Variants in CCDC34 observed in about 807,000 individuals in gnomAD.
The protein encoded by CCDC34 is coiled-coil domain-containing protein 34.
A neutral mutation model predicts 44.1 loss-of-function variants in CCDC34; 40 were observed. The observed-to-expected ratio is 0.91, with a 90% CI of 0.70 to 1.18. CCDC34 has a LOEUF of 1.18. Among genes scored for constraint, CCDC34 ranks in the 50% most tolerant of loss-of-function variants. The probability of loss-of-function intolerance (pLI) is 0.00; values close to 1 mark genes in which losing one functional copy is unlikely to be tolerated. For synonymous variants in CCDC34, 159 were observed against 158.2 expected, an observed-to-expected ratio of 1.01 and a Z score of -0.04; for missense variants, 466 against 452.3, an observed-to-expected ratio of 1.03 and a Z score of -0.28.
intron 2 of CCDC34, among the ~76,000 whole-genome samples, chr11:27,352,376 C>A (rs1241167084): frequency 1.3e-5 from 2 of 148,270 alleles, no homozygotes; most frequent in African/African-American, 2.5e-5. Context: ...AAGTGAGACT[C>A]CATCTCAAAA....
At chr11:27,350,493 A>G (rs1862492990) in intron 2 of CCDC34, 54 bp from the exon 3 acceptor site, 1 of 1,481,426 alleles carries the variant, frequency 6.8e-7, no homozygotes, top group African/African-American at 1.4e-5. Context: ...CCCAAATAAC[A>G]TACATTTTAA....
intron 2 of CCDC34, among the ~76,000 whole-genome samples, chr11:27,351,594 T>C (rs750615814): frequency 5.3e-5 from 8 of 152,216 alleles, no homozygotes; most frequent in Non-Finnish European, 1.2e-4. Context: ...CTCAGTATAC[T>C]TTTATGGTAC....
rs1314201026 is a variant in CCDC34, at chr11:27,339,038, A to C, written c.908-3T>G. On this transcript the variant is annotated splice_region_variant and splice_polypyrimidine_tract_variant and intron_variant, in intron 5 of 5. Coordinates refer to ENST00000328697, the MANE Select transcript of CCDC34 (RefSeq NM_030771.2). Reference sequence around the variant, plus strand: ...ATAGGAATTTCCACTGTAAAAACCTAAAATTATTGAAAAATCAGATCAAAA... The same window carrying C: ...ATAGGAATTTCCACTGTAAAAACCTCAAATTATTGAAAAATCAGATCAAAA... 1.9e-6 allele frequency: 3 copies of C among 1,592,102 alleles called. No individual in the cohort carries two copies. Among genetic ancestry groups the C allele is most frequent in the Non-Finnish European group, 2.6e-6 (3 of 1,171,352 alleles).
chr11:27,351,148 G>A (rs1862499529), intron 2 of CCDC34, among the ~76,000 whole-genome samples: 1 of 152,166 alleles, frequency 6.6e-6, no homozygotes, highest in Non-Finnish European at 1.5e-5. Context: ...TTAGAATGCT[G>A]TTCAAACTAG....
At chr11:27,360,118 C>T (rs1001440034) in intron 1 of CCDC34, among the ~76,000 whole-genome samples, 2 of 152,218 alleles carry the variant, frequency 1.3e-5, no homozygotes, top group South Asian at 2.1e-4. Flanking sequence ...AAATGTGTGG[C>T]GCACACACTA....
At chr11:27,340,222 T>C (rs1203289180) in intron 5 of CCDC34, among the ~76,000 whole-genome samples, 3 of 152,184 alleles carry the variant, frequency 2.0e-5, no homozygotes, top group African/African-American at 4.8e-5. Context: ...AAGAAAAACA[T>C]GCACTACCCT....
chr11:27,354,636 T>C (rs1348629022), intron 2 of CCDC34, among the ~76,000 whole-genome samples: 1 of 152,018 alleles, frequency 6.6e-6, no homozygotes, highest in African/African-American at 2.4e-5. Context: ...GAGGTGTCAC[T>C]TGAGCCCAGG....
intron 1 of CCDC34, 132 bp from the exon 2 acceptor site, chr11:27,357,673 G>A: frequency 7.2e-6 from 5 of 696,264 alleles, no homozygotes; most frequent in South Asian, 3.2e-5. Flanking sequence ...AAATATACAG[G>A]AATTATACAT....
intron 4 of CCDC34, 110 bp from the exon 5 acceptor site, chr11:27,340,947 T>C: frequency 1.1e-6 from 1 of 893,114 alleles, no homozygotes; most frequent in African/African-American, 1.7e-5. Context: ...AATGGCTTAC[T>C]GGCCATAATA....
Position 27,357,545 on chromosome 11 carries a change from CAA to C in CCDC34, c.360-6_360-5del. ...ATTTTCTGATTCAACCTGAGTGCTA[CAA>C]AAGAGAGGCTACTATAGTACTTGTA... On this transcript the variant is annotated splice_region_variant and splice_polypyrimidine_tract_variant and intron_variant, in intron 1 of 5. Coordinates refer to ENST00000328697, the MANE Select transcript of CCDC34 (RefSeq NM_030771.2). The C allele has an allele frequency of 1.2e-6, 2 of 1,613,428 alleles. No individual in the cohort carries two copies. Among genetic ancestry groups the C allele is most frequent in the South Asian group, 2.2e-5 (2 of 90,966 alleles).
chr11:27,357,234 A>C (rs1862591113), intron 2 of CCDC34, among the ~76,000 whole-genome samples, 169 bp downstream of exon 2: 1 of 152,192 alleles, frequency 6.6e-6, no homozygotes. Flanking sequence ...TCTAACAATG[A>C]ACATATTTCT....
intron 3 of CCDC34, among the ~76,000 whole-genome samples, chr11:27,345,323 TGTGCACAAC>T (rs1274747204): frequency 1.1e-4 from 16 of 152,276 alleles, no homozygotes; most frequent in African/African-American, 3.9e-4. Context: ...TTAGGGTACA[TGTGCACAAC>T]GTGCAGGTTT....
intron 2 of CCDC34, among the ~76,000 whole-genome samples, chr11:27,353,787 A>G (rs936601088): frequency 1.1e-4 from 16 of 152,208 alleles, no homozygotes. Flanking sequence ...AGAGTTCATT[A>G]AAAAATAAAT....
At chr11:27,347,344 C>T (rs188521131) in intron 3 of CCDC34, among the ~76,000 whole-genome samples, 12 of 152,172 alleles carry the variant, frequency 7.9e-5, no homozygotes, top group African/African-American at 2.7e-4. Context: ...CCATATAGCC[C>T]AGTAATTTAG....
intron 5 of CCDC34, 110 bp from the exon 6 acceptor site, chr11:27,339,145 C>G: frequency 1.4e-6 from 1 of 736,588 alleles, no homozygotes; most frequent in East Asian, 2.7e-5. Flanking sequence ...CAAATTATCA[C>G]TAATAAGCCA....
chr11:27,340,831 C>T lies in CCDC34; in HGVS notation c.772G>A (p.Glu258Lys). 1 of 1,610,630 alleles carries T rather than the reference C, an allele frequency of 6.2e-7. No individual in the cohort carries two copies. The highest frequency in any genetic ancestry group is 8.5e-7 in the Non-Finnish European group (1 of 1,178,730). ...CERKKKEKEK[E>K]KQQQAEIQEK... The stretch of plus-strand genomic sequence containing the variant: ...TGTATTTCAGCTTGCTGTTGTTTTT[C>T]TTTTTCCTTAAAATGACAAGACCAA... The change falls in exon 5 of 6, where the codon GAA becomes AAA. Residue 258 changes from glutamate to lysine, a missense_variant. Glu to Lys is a moderately conservative substitution (Grantham distance 56). Transcript: ENST00000328697.
At chr11:27,349,374 A>G in intron 3 of CCDC34, 1 of 869,128 alleles carries the variant, frequency 1.2e-6, no homozygotes, top group East Asian at 1.2e-4. Flanking sequence ...CATCTAACCA[A>G]TTTCCTTCTT....
At chr11:27,349,814 G>C in intron 3 of CCDC34, 3 of 958,522 alleles carry the variant, frequency 3.1e-6, no homozygotes, top group Non-Finnish European at 3.7e-6. Context: ...CCCTTATGTA[G>C]CTTACAATCC....
intron 1 of CCDC34, 92 bp from the exon 2 acceptor site, chr11:27,357,633 ATAGTG>A (rs1409525757): frequency 5.7e-5 from 61 of 1,076,530 alleles, no homozygotes; most frequent in Non-Finnish European, 7.8e-5. Flanking sequence ...GCAAAACTTA[ATAGTG>A]TATTTTCAAT....
Sources: gnomAD v4.1 joint callset for allele counts (sites outside exome capture counted in the v4.1 genomes callset) on GRCh38, gnomAD v4.1.1 for gene constraint, MANE v1.5 for transcripts, NCBI Gene and HGNC (gene_info 2026-07-23, HGNC 2026-07-21) for gene names.